The following CCSER1 variants were observed in gnomAD, a reference collection of about 807,000 sequenced individuals.
CCSER1 encodes the protein coiled-coil serine rich protein 1, also known as serine-rich coiled-coil domain-containing protein 1.
In CCSER1, 41 loss-of-function variants were observed where a neutral mutation model predicts 82.0. The observed-to-expected ratio is 0.50, with a 90% CI of 0.39 to 0.65. CCSER1 has a LOEUF of 0.65. Ranked by LOEUF, CCSER1 falls within the 30% of genes least tolerant of loss-of-function variation. The pLI, the probability that CCSER1 is intolerant of heterozygous loss-of-function variation, is 0.00. For missense variants in CCSER1, 1,119 were observed against 1,064.2 expected (o/e 1.05, Z -0.72); for synonymous variants, 414 against 383.9 (o/e 1.08, Z -0.92).
chr4:91,364,006 C>A (rs1749440342), intron 10 of CCSER1, among the ~76,000 whole-genome samples: 1 of 147,652 alleles, frequency 6.8e-6, no homozygotes, highest in African/African-American at 2.4e-5. Flanking sequence ...AAAGTATTGA[C>A]ATAATTTAAC....
intron 1 of CCSER1, among the ~76,000 whole-genome samples, chr4:90,292,436 A>G (rs1223912986): frequency 6.6e-6 from 1 of 152,008 alleles, no homozygotes; most frequent in East Asian, 1.9e-4. Flanking sequence ...ATAGAGAAAC[A>G]GAACCCAAGA....
At chr4:90,192,471 A>G (rs998345673) in intron 1 of CCSER1, among the ~76,000 whole-genome samples, 4 of 152,026 alleles carry the variant, frequency 2.6e-5, no homozygotes, top group African/African-American at 9.7e-5. Flanking sequence ...ATATTTCACT[A>G]GTGGTTGAGA....
chr4:90,723,306 G>A (rs989671104), intron 6 of CCSER1, among the ~76,000 whole-genome samples: 167 of 151,966 alleles, frequency 1.1e-3, no homozygotes, highest in African/African-American at 4.0e-3. Flanking sequence ...ACAGCCATTA[G>A]CAACATTCCA....
intron 6 of CCSER1, among the ~76,000 whole-genome samples, chr4:90,718,203 G>T (rs1453486610): frequency 6.6e-6 from 1 of 151,902 alleles, no homozygotes; most frequent in African/African-American, 2.4e-5. Flanking sequence ...ACATTTAAAA[G>T]GGGGAAATTT....
intron 5 of CCSER1, among the ~76,000 whole-genome samples, chr4:90,553,547 A>G (rs1001596373): frequency 4.6e-5 from 7 of 152,354 alleles, no homozygotes; most frequent in East Asian, 1.9e-4. Flanking sequence ...AGGTATCTCA[A>G]GGTGATCACG....
intron 9 of CCSER1, among the ~76,000 whole-genome samples, chr4:90,927,258 T>C (rs1287983436): frequency 6.6e-6 from 1 of 152,042 alleles, no homozygotes. Flanking sequence ...TAAAAATTTC[T>C]CTGAGCCACA....
chr4:90,362,759 G>A (rs1429965841), intron 3 of CCSER1, among the ~76,000 whole-genome samples: 1 of 152,082 alleles, frequency 6.6e-6, no homozygotes, highest in Non-Finnish European at 1.5e-5. Flanking sequence ...TGATTTGCCA[G>A]GAGTTTCTGG....
chr4:90,416,020 A>G (rs1160802262), intron 4 of CCSER1, among the ~76,000 whole-genome samples: 2 of 152,180 alleles, frequency 1.3e-5, no homozygotes, highest in East Asian at 3.9e-4. Flanking sequence ...GCTTCAGGGT[A>G]GGGAAATGGA....
chr4:90,243,606 T>C (rs1720825558), intron 1 of CCSER1, among the ~76,000 whole-genome samples: 1 of 151,972 alleles, frequency 6.6e-6, no homozygotes, highest in Admixed American at 6.6e-5. Flanking sequence ...CAGGCTAGTC[T>C]TGAACTCCTG....
chr4:91,410,798 G>T (rs1353979827), intron 10 of CCSER1, among the ~76,000 whole-genome samples: 1 of 151,898 alleles, frequency 6.6e-6, no homozygotes, highest in African/African-American at 2.4e-5. Flanking sequence ...TTTTAATACA[G>T]CTTTTTTTCT....
At chr4:90,590,488 G>A (rs1448606786) in intron 5 of CCSER1, among the ~76,000 whole-genome samples, 1 of 151,938 alleles carries the variant, frequency 6.6e-6, no homozygotes, top group Non-Finnish European at 1.5e-5. Flanking sequence ...GCTGAAGCAG[G>A]AGAATCACTT....
At chr4:90,579,693 T>C (rs997166180) in intron 5 of CCSER1, among the ~76,000 whole-genome samples, 1 of 130,352 alleles carries the variant, frequency 7.7e-6, no homozygotes, top group Admixed American at 7.2e-5. Flanking sequence ...CCTTCAGAAA[T>C]GAAAAATTAC....
chr4:91,358,993 C>T (rs555284164), intron 10 of CCSER1, among the ~76,000 whole-genome samples: 1 of 152,240 alleles, frequency 6.6e-6, no homozygotes, highest in South Asian at 2.1e-4. Context: ...CTCTCAGACA[C>T]CGAGTTGTAG....
In CCSER1 at chr4:90,902,573, G is replaced by T. The variant is rs189601415; in HGVS notation, c.2095-20797G>T. Among the ~76,000 whole-genome samples, 8 of 152,002 alleles carry T rather than the reference G, an allele frequency of 5.3e-5. No individual in the cohort carries two copies. The East Asian group carries it at 1.4e-3, about 26-fold the overall frequency. On this transcript the variant is annotated intron_variant, in intron 8 of 10. Coordinates refer to ENST00000509176, the MANE Select transcript of CCSER1 (RefSeq NM_001145065.2). ...TTTGAGGGGCCCAGTGCTCTGTTTG[G>T]GTTCCTTATTTGGGGCTAGCTTCTG...
At chr4:90,652,050 T>C (rs2149048505) in intron 6 of CCSER1, among the ~76,000 whole-genome samples, 1 of 152,282 alleles carries the variant, frequency 6.6e-6, no homozygotes, top group South Asian at 2.1e-4. Flanking sequence ...CTGCTAGCAT[T>C]TATGAAACTG....
rs912123761 is a variant in CCSER1 at position 90,285,300 on chromosome 4, G to T, written c.-41-22944G>T. On this transcript the variant is annotated intron_variant, in intron 1 of 10. Coordinates refer to ENST00000509176, the MANE Select transcript of CCSER1 (RefSeq NM_001145065.2). ...AACATGGAATATCTTTCCATTTTGTGCATATCTTCTTCAATTTCTTTCATC... is the reference window on the plus strand; with the variant it reads ...AACATGGAATATCTTTCCATTTTGTTCATATCTTCTTCAATTTCTTTCATC... Among the ~76,000 whole-genome samples, 6 of 151,966 alleles carry T rather than the reference G, an allele frequency of 3.9e-5. No homozygotes were observed. The East Asian group carries it at 1.2e-3, about 29-fold the overall frequency.
chr4:90,664,398 A>G (rs994099275), intron 6 of CCSER1, among the ~76,000 whole-genome samples: 1 of 152,236 alleles, frequency 6.6e-6, no homozygotes, highest in African/African-American at 2.4e-5. Context: ...ACAAGGCACA[A>G]ATTCCTACTA....
chr4:90,672,632 A>G (rs1353529087), intron 6 of CCSER1, among the ~76,000 whole-genome samples: 1 of 151,964 alleles, frequency 6.6e-6, no homozygotes, highest in East Asian at 1.9e-4. Flanking sequence ...TGCTTTCACA[A>G]CTTGGCTATT....
At chr4:91,076,111 A>AAAGCCCTAGT (rs1309210596) in intron 9 of CCSER1, among the ~76,000 whole-genome samples, 1 of 152,176 alleles carries the variant, frequency 6.6e-6, no homozygotes, top group Non-Finnish European at 1.5e-5. Context: ...AATCTTGTCT[A>AAAGCCCTAGT]AAGCCCTAGT....
Sources: gnomAD v4.1 joint callset for allele counts (sites outside exome capture counted in the v4.1 genomes callset) on GRCh38, gnomAD v4.1.1 for gene constraint, MANE v1.5 for transcripts, NCBI Gene and HGNC (gene_info 2026-07-23, HGNC 2026-07-21) for gene names.